The following GDI2 variants were observed in gnomAD, a reference collection of about 807,000 sequenced individuals.
GDI2 encodes rab GDP dissociation inhibitor beta.
In GDI2, 22 loss-of-function variants were observed where a neutral mutation model predicts 54.2. That is an observed-to-expected ratio of 0.41 (90% CI 0.29 to 0.58). The LOEUF (loss-of-function observed/expected upper bound fraction) is 0.58. GDI2 is among the 20% of genes least tolerant of loss of function. The probability of loss-of-function intolerance (pLI) is 0.35; values close to 1 mark genes in which losing one functional copy is unlikely to be tolerated. For synonymous variants in GDI2, 177 were observed against 182.1 expected (o/e 0.97, Z 0.23); for missense variants, 422 against 546.0 (o/e 0.77, Z 2.26).
intron 2 of GDI2, among the ~76,000 whole-genome samples, chr10:5,799,979 GA>G (rs1366237258): frequency 3.9e-5 from 6 of 151,980 alleles, no homozygotes; most frequent in African/African-American, 9.7e-5. Flanking sequence ...ACTGAATATA[GA>G]AAAAAATCCT....
intron 7 of GDI2, 53 bp downstream of exon 7, chr10:5,773,789 A>T (rs1840551989): frequency 1.2e-6 from 1 of 803,510 alleles, no homozygotes; most frequent in African/African-American, 1.7e-5. Flanking sequence ...TTTAGAATAC[A>T]CAACTTTCTT....
chr10:5,802,612 A>G lies in GDI2; in HGVS notation c.46-1907T>C, dbSNP rs554710997. Among the ~76,000 whole-genome samples, 129 of 151,716 alleles carry G rather than the reference A, an allele frequency of 8.5e-4. 1 individual carries two copies. Among genetic ancestry groups the G allele is most frequent in the African/African-American group, 3.0e-3 (124 of 41,358 alleles). ...GACTCCATCTCAAAAAAAAAAAAAG[A>G]ATTATGGAAAACTTACAACTACCAC... is the stretch of plus-strand genomic sequence containing the variant. On this transcript the variant is annotated intron_variant, in intron 1 of 10. Transcript: ENST00000380191.
intron 1 of GDI2, among the ~76,000 whole-genome samples, chr10:5,802,794 G>A (rs1037854609): frequency 6.6e-6 from 1 of 152,120 alleles, no homozygotes; most frequent in Non-Finnish European, 1.5e-5. Flanking sequence ...AATAACGGGT[G>A]AATGAAATTA....
At position 5,766,238 on chromosome 10, in the gene GDI2, C is replaced by T; in HGVS notation, c.1191+3G>A. The T allele has an allele frequency of 6.2e-7, 1 of 1,612,838 alleles. No homozygotes were observed. Among genetic ancestry groups the T allele is most frequent in the East Asian group, 2.2e-5 (1 of 44,882 alleles). ...CCATATCCTTTCACACTTCCATACT[C>T]ACCTGGCTTTCTGTTCCCAAGTCTT... On this transcript the variant is annotated splice_donor_region_variant and intron_variant, in intron 10 of 10. Transcript: ENST00000380191. The surrounding 1 kb of genome is among the most constrained non-coding windows in gnomAD (Gnocchi z 5.8).
At position 5,795,100 on chromosome 10, in the gene GDI2, AT is replaced by A. The variant is rs1564396371; in HGVS notation, c.254-82del. 55 of 875,518 alleles carry A rather than the reference AT, an allele frequency of 6.3e-5. No individual in the cohort carries two copies. In the South Asian group the frequency reaches 7.7e-4, roughly 12 times the overall value. The allele number at this position is 875,518 out of a possible 1,614,324, so 54.2% of individuals were successfully genotyped here. A position where few individuals can be genotyped will look rare whatever the true frequency, so the allele number is the denominator to read the frequency against. On this transcript the variant is annotated intron_variant, in intron 3 of 10. Transcript: ENST00000380191. ...TTTACTAATACTAACAGCTTCTAAA[AT>A]TTTTTCTAACGATGTTCAATAACTC...
chr10:5,809,620 T>C (rs2086543036), intron 1 of GDI2, among the ~76,000 whole-genome samples: 1 of 152,240 alleles, frequency 6.6e-6, no homozygotes, highest in Admixed American at 6.5e-5. Flanking sequence ...CTAATTCTTA[T>C]TAGTTACTCT....
rs1215095623 is a variant in GDI2 at position 5,776,441 on chromosome 10, GCTA to G, written c.720-2503_720-2501del. 1.2e-6 allele frequency: 1 copy of G among 837,636 alleles called. No homozygotes were observed. Among genetic ancestry groups the G allele is most frequent in the Non-Finnish European group, 2.1e-6 (1 of 477,216 alleles). 51.9% of individuals were successfully genotyped at this position (837,636 alleles called of 1,614,324 possible). On this transcript the variant is annotated intron_variant, in intron 6 of 10. Coordinates refer to ENST00000380191, the MANE Select transcript of GDI2 (RefSeq NM_001494.4). This position sits in a 1 kb window ranked among gnomAD's most constrained non-coding sequence, Gnocchi z 5.3. The stretch of plus-strand genomic sequence containing the variant: ...GGATCTTTGACAGGGATCCAGACAC[GCTA>G]CTATTTTTACTTTAGCAAAAGAGTG...
At chr10:5,787,473 C>T (rs141422653) in intron 4 of GDI2, among the ~76,000 whole-genome samples, 213 of 151,834 alleles carry the variant, frequency 1.4e-3, no homozygotes, top group African/African-American at 4.9e-3. Context: ...CACCATTGTA[C>T]TCCAGCCTGG....
intron 6 of GDI2, among the ~76,000 whole-genome samples, chr10:5,777,215 G>T (rs747776163): frequency 2.0e-5 from 3 of 152,330 alleles, no homozygotes; most frequent in East Asian, 1.9e-4. Context: ...GCTCATGCCT[G>T]TAATCCCAGC....
intron 6 of GDI2, among the ~76,000 whole-genome samples, chr10:5,777,624 G>A (rs1183181209): frequency 1.3e-5 from 2 of 152,206 alleles, no homozygotes; most frequent in Admixed American, 6.5e-5. Flanking sequence ...TCGTTAAAAA[G>A]CCAGGAAACA....
At chr10:5,789,544 A>AC (rs1482183856) in intron 4 of GDI2, among the ~76,000 whole-genome samples, 4 of 152,148 alleles carry the variant, frequency 2.6e-5, no homozygotes, top group Non-Finnish European at 4.4e-5. Context: ...GCCTTGGCCT[A>AC]CCAAGTGGCT....
chr10:5,769,104 C>T (rs1840426595), intron 7 of GDI2: 1 of 151,084 alleles, frequency 6.6e-6, no homozygotes, highest in South Asian at 2.1e-4. Context: ...TTGGGCAACA[C>T]ACAGCAAGAC....
chr10:5,798,559 A>G (rs932705924), intron 2 of GDI2, among the ~76,000 whole-genome samples: 1 of 151,778 alleles, frequency 6.6e-6, no homozygotes, highest in Non-Finnish European at 1.5e-5. Flanking sequence ...ACTGCACTGC[A>G]GCCTGGGTGA....
intron 2 of GDI2, among the ~76,000 whole-genome samples, chr10:5,800,084 G>C (rs1208318439): frequency 6.6e-6 from 1 of 152,018 alleles, no homozygotes; most frequent in African/African-American, 2.4e-5. Context: ...CATATACGTA[G>C]GTGTTCAACA....
chr10:5,808,402 G>A (rs541936860), intron 1 of GDI2, among the ~76,000 whole-genome samples: 2 of 152,070 alleles, frequency 1.3e-5, no homozygotes, highest in East Asian at 1.9e-4. Flanking sequence ...GGCTGGGTGC[G>A]GTGGCTCTCG....
At chr10:5,803,804 A>G (rs1466938589) in intron 1 of GDI2, among the ~76,000 whole-genome samples, 2 of 152,198 alleles carry the variant, frequency 1.3e-5, no homozygotes, top group Non-Finnish European at 2.9e-5. Flanking sequence ...GGGGCATATA[A>G]TCACTCAAAA....
intron 6 of GDI2, among the ~76,000 whole-genome samples, chr10:5,779,653 C>T (rs535669967): frequency 5.0e-4 from 75 of 150,214 alleles, no homozygotes; most frequent in African/African-American, 1.8e-3. Flanking sequence ...AGGCATTCTC[C>T]GATATGAAGC....
chr10:5,772,700 T>C (rs558398290), intron 7 of GDI2, among the ~76,000 whole-genome samples: 1 of 152,188 alleles, frequency 6.6e-6, no homozygotes, highest in East Asian at 1.9e-4. Flanking sequence ...GAGGGTGAAG[T>C]GAGCTGAGAT....
At chr10:5,788,821 G>A (rs1302295652) in intron 4 of GDI2, among the ~76,000 whole-genome samples, 2 of 151,918 alleles carry the variant, frequency 1.3e-5, no homozygotes, top group African/African-American at 4.8e-5. Flanking sequence ...AGTGCGCAGT[G>A]GCGCGATTTC....
Sources: allele counts gnomAD v4.1 joint callset (sites outside exome capture counted in the v4.1 genomes callset), GRCh38; gene constraint gnomAD v4.1.1; non-coding constraint Gnocchi (gnomAD v3.1); transcripts MANE v1.5; gene names NCBI Gene and HGNC (gene_info 2026-07-23, HGNC 2026-07-21).